The following DAB2 variants were observed in gnomAD, a reference collection of about 807,000 sequenced individuals.
DAB2 encodes the protein DAB adaptor protein 2.
DAB2 carries 28 observed loss-of-function variants against 71.6 expected under a neutral mutation model. The ratio of observed to expected loss-of-function variants is 0.39; its 90% CI spans 0.29 to 0.54. The LOEUF is 0.54. DAB2 is among the 20% of genes least tolerant of loss of function. DAB2 has a pLI of 0.68. For synonymous variants in DAB2, 345 were observed against 339.7 expected (o/e 1.02, Z -0.17); for missense variants, 867 against 928.8 (o/e 0.93, Z 0.86).
Position 39,392,391 on chromosome 5 carries a change from T to C in DAB2, c.304A>G (p.Ile102Val), listed in dbSNP as rs774160239. 6.2e-7 allele frequency: 1 copy of C among 1,614,020 alleles called. No homozygotes were observed. The highest frequency in any genetic ancestry group is 1.7e-5 in the Admixed American group (1 of 60,006). The part of the protein sequence containing the change: ...RIWVNISLSG[I>V]KIIDEKTGVI... Reference sequence around the variant, plus strand: ...CCAGTTTTCTCATCAATTATTTTTATCCCAGAAAGGGAAATGTTGACCCAG... The same window carrying C: ...CCAGTTTTCTCATCAATTATTTTTACCCCAGAAAGGGAAATGTTGACCCAG... Residue 102 changes from isoleucine (I) to valine (V), a missense_variant, in exon 4 of 15, where the codon ATA becomes GTA. Physicochemically the swap from Ile to Val is conservative, Grantham distance 29. Transcript: ENST00000320816.
At chr5:39,414,605 T>G (rs1159692436) in intron 1 of DAB2, among the ~76,000 whole-genome samples, 1 of 151,844 alleles carries the variant, frequency 6.6e-6, no homozygotes, top group African/African-American at 2.4e-5. Flanking sequence ...GACCACACCA[T>G]CTGGAGAATT....
chr5:39,401,031 C>T (rs1053989477), intron 1 of DAB2, among the ~76,000 whole-genome samples: 9 of 152,160 alleles, frequency 5.9e-5, no homozygotes, highest in Non-Finnish European at 1.5e-5. Context: ...TCATTACCAG[C>T]GATGCTGTAG....
At chr5:39,376,600 G>A in intron 12 of DAB2, 50 bp downstream of exon 12, 1 of 1,588,408 alleles carries the variant, frequency 6.3e-7, no homozygotes, top group South Asian at 1.1e-5. Flanking sequence ...AGGTCCATGT[G>A]GCAGTGGAGA....
chr5:39,374,956 C>T (rs570064979), intron 14 of DAB2, 58 bp downstream of exon 14: 1 of 1,062,264 alleles, frequency 9.4e-7, no homozygotes, highest in South Asian at 1.3e-5. Flanking sequence ...CTCTTTATTC[C>T]ATGTCACCCT....
chr5:39,399,470 A>G (rs1030941584), intron 1 of DAB2, among the ~76,000 whole-genome samples: 3 of 152,114 alleles, frequency 2.0e-5, no homozygotes, highest in African/African-American at 4.8e-5. Context: ...TATAGTCCTG[A>G]CTCCTTTTTA....
At chr5:39,386,098 T>C (rs1284989773) in intron 9 of DAB2, among the ~76,000 whole-genome samples, 1 of 152,232 alleles carries the variant, frequency 6.6e-6, no homozygotes, top group Admixed American at 6.5e-5. Flanking sequence ...ATTCTTTCCA[T>C]AGTAACTGTG....
intron 1 of DAB2, among the ~76,000 whole-genome samples, chr5:39,414,105 C>T (rs2367585): frequency 0.3 from 45,308 of 151,992 alleles, 6,860 homozygotes; most frequent in African/African-American, 0.34. Flanking sequence ...TCAAAAAACT[C>T]TTATGCTAGG....
intron 9 of DAB2, among the ~76,000 whole-genome samples, chr5:39,383,865 C>A (rs548355146): frequency 6.6e-6 from 1 of 152,320 alleles, no homozygotes; most frequent in South Asian, 2.1e-4. Context: ...CGGTCCAGTT[C>A]TTTCCTCTAG....
intron 1 of DAB2, among the ~76,000 whole-genome samples, chr5:39,420,402 T>C (rs1348591574): frequency 6.6e-6 from 1 of 152,216 alleles, no homozygotes; most frequent in African/African-American, 2.4e-5. Context: ...AAATCCAGCA[T>C]TCTAGGATTG....
intron 1 of DAB2, among the ~76,000 whole-genome samples, chr5:39,415,739 G>A (rs1167647462): frequency 6.6e-6 from 1 of 152,138 alleles, no homozygotes; most frequent in Non-Finnish European, 1.5e-5. Context: ...CAAGTAGTGA[G>A]CCCTCCACAA....
intron 1 of DAB2, among the ~76,000 whole-genome samples, chr5:39,408,199 T>C (rs1324770536): frequency 6.6e-6 from 1 of 152,230 alleles, no homozygotes; most frequent in Non-Finnish European, 1.5e-5. Flanking sequence ...AGGGTGTACA[T>C]AGTGATTGTA....
chr5:39,379,630 G>C (rs1394904913), intron 11 of DAB2, among the ~76,000 whole-genome samples: 1 of 152,020 alleles, frequency 6.6e-6, no homozygotes, highest in Non-Finnish European at 1.5e-5. Flanking sequence ...GGGGACATGG[G>C]TATAGAACAT....
chr5:39,381,749 A>T lies in DAB2; in HGVS notation c.1342-133T>A, dbSNP rs1579902363. On this transcript the variant is annotated intron_variant, in intron 10 of 14. Coordinates refer to ENST00000320816, the MANE Select transcript of DAB2 (RefSeq NM_001343.4). Reference sequence around the variant, plus strand: ...AAACTTTTTTCTTGACAGATGAACAACAACAACTACTACTACAGAAAAAGA... The same window carrying T: ...AAACTTTTTTCTTGACAGATGAACATCAACAACTACTACTACAGAAAAAGA... 61 of 818,964 alleles carry T rather than the reference A, an allele frequency of 7.4e-5. 2 individuals are homozygous for T. The South Asian group carries it at 1.1e-3, about 15-fold the overall frequency. The allele number at this position is 818,964 out of a possible 1,614,324, so 50.7% of individuals were successfully genotyped here.
At chr5:39,419,604 T>C (rs931252091) in intron 1 of DAB2, among the ~76,000 whole-genome samples, 4 of 152,182 alleles carry the variant, frequency 2.6e-5, no homozygotes, top group African/African-American at 9.6e-5. Context: ...AGACATGGCA[T>C]AAAAACAAAA....
At chr5:39,392,605 G>A (rs1338633056) in intron 3 of DAB2, 142 bp from the exon 4 acceptor site, 2 of 637,080 alleles carry the variant, frequency 3.1e-6, no homozygotes, top group Non-Finnish European at 5.5e-6. Flanking sequence ...TTTCATCCGG[G>A]ACAGCAAGAC....
chr5:39,405,842 G>A (rs1197910536), intron 1 of DAB2, among the ~76,000 whole-genome samples: 1 of 152,186 alleles, frequency 6.6e-6, no homozygotes. Context: ...GATATTAAAT[G>A]TCATCTCGAA....
Position 39,383,278 on chromosome 5 carries a change from C to T in DAB2, c.688-7G>A, listed in dbSNP as rs1352262533. On this transcript the variant is annotated splice_polypyrimidine_tract_variant and splice_region_variant and intron_variant, in intron 9 of 14. Coordinates refer to ENST00000320816, the MANE Select transcript of DAB2 (RefSeq NM_001343.4). ...ACAGGATATCTTTGCTTTCCTATCA[C>T]ATTTGGAAAGAAAAAAAAAGAAAGT... The T allele has an allele frequency of 3.8e-6, 6 of 1,574,444 alleles. No homozygotes were observed. In the Admixed American group the frequency reaches 5.6e-5, roughly 15 times the overall value.
intron 1 of DAB2, among the ~76,000 whole-genome samples, chr5:39,400,485 G>C (rs13153355): frequency 0.23 from 34,648 of 151,950 alleles, 4,084 homozygotes; most frequent in Non-Finnish European, 0.24. Context: ...TCCTGCCTCG[G>C]CCTCCCAGAG....
At chr5:39,380,133 T>C (rs755718491) in intron 11 of DAB2, among the ~76,000 whole-genome samples, 1 of 151,904 alleles carries the variant, frequency 6.6e-6, no homozygotes, top group Non-Finnish European at 1.5e-5. Flanking sequence ...CACTTGGGGG[T>C]GCAAGGAAAA....
Sources: allele counts gnomAD v4.1 joint callset (sites outside exome capture counted in the v4.1 genomes callset), GRCh38; gene constraint gnomAD v4.1.1; transcripts MANE v1.5; gene names NCBI Gene and HGNC (gene_info 2026-07-23, HGNC 2026-07-21).